The following DCX variants were observed in gnomAD, a reference collection of about 807,000 sequenced individuals.
DCX encodes doublecortin, also known as neuronal migration protein doublecortin.
DCX carries 4 observed loss-of-function variants against 20.9 expected under a neutral mutation model. The ratio of observed to expected loss-of-function variants is 0.19; its 90% CI spans 0.09 to 0.44. The LOEUF (loss-of-function observed/expected upper bound fraction) is 0.44. Among genes scored for constraint, DCX ranks in the 20% least tolerant of loss-of-function variants. The pLI, the probability that DCX is intolerant of heterozygous loss-of-function variation, is 0.99. For synonymous variants in DCX, 103 were observed against 111.4 expected (o/e 0.92, Z 0.47); for missense variants, 133 against 296.9 (o/e 0.45, Z 4.06).
intron 3 of DCX, among the ~76,000 whole-genome samples, chrX:111,385,366 AAGTTCT>A (rs1388745249): frequency 8.9e-6 from 1 of 111,816 alleles, no homozygotes; most frequent in African/African-American, 3.3e-5. Flanking sequence ...ATGGAAAATC[AAGTTCT>A]TGGCTGGGTA....
chrX:111,321,897 A>G (rs1044134881), intron 5 of DCX, among the ~76,000 whole-genome samples: 1 of 112,087 alleles, frequency 8.9e-6, no homozygotes, highest in African/African-American at 3.2e-5. Flanking sequence ...CTTGGCATCT[A>G]CTTTTCTCCC....
chrX:111,335,203 C>T lies in DCX; in HGVS notation c.706-2050G>A, dbSNP rs1921610749. Among the ~76,000 whole-genome samples the T allele has an allele frequency of 2.7e-5, 3 of 112,202 alleles. No homozygotes were observed. In the Admixed American group the frequency reaches 2.8e-4, roughly 11 times the overall value. ...AGGAATACCTCACCTGTGAGTGTCC[C>T]TCTGTTAGTGGTCTCAAGGATTTGG... On this transcript the variant is annotated intron_variant, in intron 3 of 6. Coordinates refer to ENST00000636035, the MANE Select transcript of DCX (RefSeq NM_001195553.2).
chrX:111,341,706 T>C (rs1256537083), intron 3 of DCX, among the ~76,000 whole-genome samples: 3 of 111,203 alleles, frequency 2.7e-5, no homozygotes, highest in African/African-American at 6.5e-5. Flanking sequence ...CCAGAAGAGA[T>C]TGGGGGCCAA....
chrX:111,390,060 A>C (rs181367971), intron 3 of DCX, among the ~76,000 whole-genome samples: 26 of 112,104 alleles, frequency 2.3e-4, no homozygotes, highest in Non-Finnish European at 4.1e-4. Context: ...ACCCCATTAA[A>C]AGCAGAGAAT....
At chrX:111,357,802 A>T (rs1292685431) in intron 3 of DCX, among the ~76,000 whole-genome samples, 1 of 110,788 alleles carries the variant, frequency 9.0e-6, no homozygotes, top group East Asian at 2.9e-4. Flanking sequence ...AAAAGAAAAA[A>T]AAAAAGGAGC....
At chrX:111,399,861 G>A (rs190957868) in intron 3 of DCX, among the ~76,000 whole-genome samples, 5 of 111,406 alleles carry the variant, frequency 4.5e-5, no homozygotes, top group Admixed American at 2.9e-4. Flanking sequence ...CTCTCAGATC[G>A]CAAAATGATG....
intron 6 of DCX, among the ~76,000 whole-genome samples, chrX:111,310,198 G>A (rs1309838320): frequency 9.0e-6 from 1 of 111,489 alleles, no homozygotes; most frequent in Non-Finnish European, 1.9e-5. Context: ...CAGGCGTGGT[G>A]GCTGGTGCCT....
intron 6 of DCX, among the ~76,000 whole-genome samples, chrX:111,304,019 G>C (rs2095039737): frequency 8.9e-6 from 1 of 111,750 alleles, no homozygotes. Context: ...GGCAGGATCT[G>C]GCATCCCTGT....
At chrX:111,360,998 C>T (rs967089590) in intron 3 of DCX, among the ~76,000 whole-genome samples, 98 of 111,729 alleles carry the variant, frequency 8.8e-4, no homozygotes, top group African/African-American at 3.1e-3. Context: ...TCAGCAGCAT[C>T]CCTCCCTGGC....
At chrX:111,308,319 G>A (rs201802280) in intron 6 of DCX, among the ~76,000 whole-genome samples, 1 of 112,169 alleles carries the variant, frequency 8.9e-6, no homozygotes, top group East Asian at 2.8e-4. Flanking sequence ...TCCAAAGGAA[G>A]TCAGGGAGGA....
Position 111,330,903 on chromosome X carries a change from C to A in DCX, c.946+1G>T. 1 of 1,211,518 alleles carries A rather than the reference C, an allele frequency of 8.3e-7. No homozygotes were observed. Among genetic ancestry groups the A allele is most frequent in the Non-Finnish European group, 1.1e-6 (1 of 895,273 alleles). On this transcript the variant is annotated splice_donor_variant, in intron 5 of 6. Transcript: ENST00000636035. LOFTEE classifies it high-confidence loss of function. ...TGCACAGTTAGGAAAAGAGCACTCA[C>A]CGTCTTGGTCGTTACCTGAGTCAGC...
At chrX:111,397,319 G>T (rs1181437711) in intron 3 of DCX, among the ~76,000 whole-genome samples, 2 of 111,589 alleles carry the variant, frequency 1.8e-5, no homozygotes, top group African/African-American at 6.5e-5. Context: ...ACCATACTTT[G>T]TTCTTTACAA....
rs2095020072 is a variant in DCX at position 111,296,112 on chromosome X, A to G, written c.*5575T>C. ...GGATGGATGTTTGTACTGTGGAAAGAGAGACTGATAACATAGAATATAAAC... is the reference window on the plus strand; with the variant it reads ...GGATGGATGTTTGTACTGTGGAAAGGGAGACTGATAACATAGAATATAAAC... On this transcript the variant is annotated 3_prime_UTR_variant, in exon 7 of 7. Coordinates refer to ENST00000636035, the MANE Select transcript of DCX (RefSeq NM_001195553.2). The G allele has an allele frequency of 8.9e-6, 1 of 112,227 alleles. No individual in the cohort carries two copies. The highest frequency in any genetic ancestry group is 9.4e-5 in the Admixed American group (1 of 10,626). The allele number at this position is 112,227 out of a possible 1,213,427, so 9.2% of individuals were successfully genotyped here.
rs761186207 is a variant in DCX, at chrX:111,327,718, A to G, written c.946+3186T>C. On this transcript the variant is annotated intron_variant, in intron 5 of 6. Transcript: ENST00000636035. ...CCCTCTCCTCTTTCATATCTTACCAATCTCCTCGTCCCAGCTTGGAATGGT... is the reference window on the plus strand; with the variant it reads ...CCCTCTCCTCTTTCATATCTTACCAGTCTCCTCGTCCCAGCTTGGAATGGT... Among the ~76,000 whole-genome samples, 3 of 112,119 alleles carry G rather than the reference A, an allele frequency of 2.7e-5. No homozygotes were observed. The East Asian group carries it at 8.4e-4, about 31-fold the overall frequency.
intron 6 of DCX, among the ~76,000 whole-genome samples, chrX:111,307,544 T>C (rs1396286805): frequency 9.0e-6 from 1 of 111,579 alleles, no homozygotes; most frequent in Non-Finnish European, 1.9e-5. Context: ...ACATTTTCCA[T>C]TTAACTTCCC....
Position 111,319,916 on chromosome X carries a change from G to A in DCX, c.947-7180C>T, listed in dbSNP as rs752483455. On this transcript the variant is annotated intron_variant, in intron 5 of 6. Coordinates refer to ENST00000636035, the MANE Select transcript of DCX (RefSeq NM_001195553.2). ...CTATATATTCTCTGCATATGTGTAC[G>A]TTTATATATGTTCCCAATTCCCCTC... Among the ~76,000 whole-genome samples the A allele has an allele frequency of 3.6e-5, 4 of 111,980 alleles. No homozygotes were observed. In the South Asian group the frequency reaches 1.5e-3, roughly 42 times the overall value.
chrX:111,411,801 C>T (rs1007155643), intron 1 of DCX: 2 of 111,654 alleles, frequency 1.8e-5, no homozygotes, highest in African/African-American at 6.5e-5. Flanking sequence ...ATGCTGAGCT[C>T]AGCATTGTCT....
intron 3 of DCX, among the ~76,000 whole-genome samples, chrX:111,393,039 C>A (rs1008953540): frequency 1.8e-5 from 2 of 111,050 alleles, no homozygotes; most frequent in Non-Finnish European, 3.8e-5. Flanking sequence ...ACTGATACAG[C>A]CTTAGAGTAT....
intron 3 of DCX, among the ~76,000 whole-genome samples, chrX:111,351,782 G>A (rs1923327494): frequency 8.9e-6 from 1 of 112,328 alleles, no homozygotes. Flanking sequence ...GGAGTGCACT[G>A]GTGCGATCAT....
Sources: gnomAD v4.1 joint callset for allele counts (sites outside exome capture counted in the v4.1 genomes callset) on GRCh38, gnomAD v4.1.1 for gene constraint, MANE v1.5 for transcripts, NCBI Gene and HGNC (gene_info 2026-07-23, HGNC 2026-07-21) for gene names.